Variants in SLC25A16 observed in about 807,000 individuals in gnomAD.
The protein encoded by SLC25A16 is solute carrier family 25 member 16.
A neutral mutation model predicts 41.5 loss-of-function variants in SLC25A16; 39 were observed. The ratio of observed to expected loss-of-function variants is 0.94; its 90% CI spans 0.73 to 1.23. The LOEUF is 1.23. Ranked by LOEUF, SLC25A16 falls within the 50% of genes most tolerant of loss-of-function variation. SLC25A16 has a pLI of 0.00. For missense variants in SLC25A16, 421 were observed against 426.9 expected (o/e 0.99, Z 0.12); for synonymous variants, 146 against 147.8 (o/e 0.99, Z 0.09).
chr10:68,517,022 C>A, intron 1 of SLC25A16, 179 bp from the exon 2 acceptor site: 1 of 1,169,416 alleles, frequency 8.6e-7, no homozygotes, highest in Non-Finnish European at 1.1e-6. Flanking sequence ...AATAAGTGAG[C>A]ATGATTACAC....
In SLC25A16 at chr10:68,493,175, G is replaced by A. The variant is rs778839701; in HGVS notation, c.567C>T (p.Tyr189=). The A allele has an allele frequency of 1.9e-6, 3 of 1,597,780 alleles. No individual in the cohort carries two copies. Among genetic ancestry groups the A allele is most frequent in the East Asian group, 2.2e-5 (1 of 44,610 alleles). ...YAKEGGFFGF[Y]RGLMPTILGM... ...CTAAAATAGTAGGCATCAGACCTCT[G>A]TAAAATCCAAAGAAACCACCTTCCT... The change falls in exon 6 of 9, where the codon TAC becomes TAT. Residue 189 remains tyrosine (Y), a synonymous_variant. Transcript: ENST00000609923.
Position 68,504,703 on chromosome 10 carries a change from C to T in SLC25A16, c.358-1008G>A, listed in dbSNP as rs532283351. On this transcript the variant is annotated intron_variant, in intron 3 of 8. Transcript: ENST00000609923. Reference sequence around the variant, plus strand: ...TTGTTTTTTGTTTTTTGTTTTGATTCGGAGTCTCACTCTGTCACCCAGGCT... The same window carrying T: ...TTGTTTTTTGTTTTTTGTTTTGATTTGGAGTCTCACTCTGTCACCCAGGCT... 7.9e-4 allele frequency among the ~76,000 whole-genome samples: 119 copies of T among 151,314 alleles called. 1 individual carries two copies. The highest frequency in any genetic ancestry group is 1.3e-3 in the Non-Finnish European group (89 of 67,822).
intron 1 of SLC25A16, among the ~76,000 whole-genome samples, chr10:68,524,310 CAAA>C (rs565308290): frequency 9.1e-5 from 4 of 44,034 alleles, no homozygotes; most frequent in Non-Finnish European, 1.1e-4. Context: ...AACTCCATCT[CAAA>C]AAAAAAAAAA....
At chr10:68,497,054 A>G (rs1191712349) in intron 4 of SLC25A16, among the ~76,000 whole-genome samples, 2 of 152,214 alleles carry the variant, frequency 1.3e-5, no homozygotes, top group Non-Finnish European at 2.9e-5. Flanking sequence ...TAGAAATTGC[A>G]TAATACAGGG....
At chr10:68,487,044 G>A (rs776550456) in intron 8 of SLC25A16, 100 bp downstream of exon 8, 15 of 752,418 alleles carry the variant, frequency 2.0e-5, no homozygotes, top group Admixed American at 9.3e-5. Flanking sequence ...GAGATAAAAC[G>A]GAAGATACAG....
At chr10:68,486,347 G>A (rs949656763) in intron 8 of SLC25A16, among the ~76,000 whole-genome samples, 2 of 151,260 alleles carry the variant, frequency 1.3e-5, no homozygotes, top group South Asian at 2.1e-4. Context: ...CTCCCACCTT[G>A]GCCCCCCAAA....
chr10:68,503,593 T>C, intron 4 of SLC25A16, 39 bp downstream of exon 4: 1 of 1,302,908 alleles, frequency 7.7e-7, no homozygotes, highest in Non-Finnish European at 1.1e-6. Context: ...TAATAGAAAA[T>C]TAATTTGTCA....
At chr10:68,493,812 T>TGGTACAG (rs1462826229) in intron 4 of SLC25A16, among the ~76,000 whole-genome samples, 1 of 152,190 alleles carries the variant, frequency 6.6e-6, no homozygotes, top group Non-Finnish European at 1.5e-5. Flanking sequence ...AGCACCAAAA[T>TGGTACAG]GGTACAGTGT....
At chr10:68,503,518 C>A (rs2052894171) in intron 4 of SLC25A16, 114 bp downstream of exon 4, 2 of 601,474 alleles carry the variant, frequency 3.3e-6, no homozygotes, top group Non-Finnish European at 2.9e-6. Context: ...ATACAAGTCA[C>A]AGGACACCTG....
chr10:68,481,107 C>G lies in SLC25A16; in HGVS notation c.*2325G>C, dbSNP rs922881940. On this transcript the variant is annotated 3_prime_UTR_variant, in exon 9 of 9. Coordinates refer to ENST00000609923, the MANE Select transcript of SLC25A16 (RefSeq NM_152707.4). ...CAAGCAATTCTCCCTGCCTTAGCCT[C>G]CCAAGTAGCTGGGATTACAGGCGCC... The G allele has an allele frequency of 1.3e-5, 2 of 152,004 alleles. No individual in the cohort carries two copies. The highest frequency in any genetic ancestry group is 4.8e-5 in the African/African-American group (2 of 41,372). The allele number at this position is 152,004 out of a possible 1,614,324, so 9.4% of individuals were successfully genotyped here.
chr10:68,523,378 C>G (rs1266860000), intron 1 of SLC25A16, among the ~76,000 whole-genome samples: 1 of 152,162 alleles, frequency 6.6e-6, no homozygotes, highest in Non-Finnish European at 1.5e-5. Flanking sequence ...GAGGCCTGAA[C>G]CAGTGCACCC....
rs1161514849 is a variant in SLC25A16, at chr10:68,482,511, T to A, written c.*921A>T. The A allele has an allele frequency of 1.3e-5, 2 of 152,490 alleles. No individual in the cohort carries two copies. The highest frequency in any genetic ancestry group is 4.8e-5 in the African/African-American group (2 of 41,446). The allele number at this position is 152,490 out of a possible 1,614,324, so 9.4% of individuals were successfully genotyped here. A position where few individuals can be genotyped will look rare whatever the true frequency, so the allele number is the denominator to read the frequency against. On this transcript the variant is annotated 3_prime_UTR_variant, in exon 9 of 9. Coordinates refer to ENST00000609923, the MANE Select transcript of SLC25A16 (RefSeq NM_152707.4). Reference sequence around the variant, plus strand: ...TTTTTGATATTCACATCTATATTAATAAATATTTCACAGTCTACTTAAATA... The same window carrying A: ...TTTTTGATATTCACATCTATATTAAAAAATATTTCACAGTCTACTTAAATA...
At chr10:68,513,551 T>A (rs562886731) in intron 2 of SLC25A16, among the ~76,000 whole-genome samples, 113 of 152,298 alleles carry the variant, frequency 7.4e-4, no homozygotes, top group African/African-American at 2.7e-3. Context: ...TAACTCATTG[T>A]TATTCACCCT....
At chr10:68,505,274 G>A (rs2664436) in intron 3 of SLC25A16, among the ~76,000 whole-genome samples, 12,359 of 152,058 alleles carry the variant, frequency 0.081, 771 homozygotes, top group African/African-American at 0.17. Context: ...GCTTGAGTCC[G>A]TGAGGTTGAG....
At chr10:68,511,130 C>G (rs553460807) in intron 2 of SLC25A16, among the ~76,000 whole-genome samples, 4 of 150,080 alleles carry the variant, frequency 2.7e-5, no homozygotes, top group Non-Finnish European at 3.0e-5. Context: ...TCCAGCTACT[C>G]GAGAGGCTGA....
chr10:68,500,760 C>T (rs111918042), intron 4 of SLC25A16, among the ~76,000 whole-genome samples: 2,224 of 149,748 alleles, frequency 0.015, 65 homozygotes, highest in African/African-American at 0.051. Flanking sequence ...TTGAAACCCC[C>T]ATCTCTACTA....
chr10:68,506,048 T>A (rs906895986), intron 3 of SLC25A16, among the ~76,000 whole-genome samples: 4 of 151,306 alleles, frequency 2.6e-5, no homozygotes, highest in Non-Finnish European at 4.4e-5. Flanking sequence ...TAAAATTAAA[T>A]AAATAAATAA....
rs535345091 is a variant in SLC25A16, at chr10:68,479,191, A to G, written c.*4241T>C. The G allele has an allele frequency of 2.0e-5, 3 of 152,338 alleles. No individual in the cohort carries two copies. The highest frequency in any genetic ancestry group is 2.1e-4 in the South Asian group (1 of 4,830). The allele number at this position is 152,338 out of a possible 1,614,324, so 9.4% of individuals were successfully genotyped here. A position where few individuals can be genotyped will look rare whatever the true frequency, so the allele number is the denominator to read the frequency against. The stretch of plus-strand genomic sequence containing the variant: ...GCTTCATTTCTGCCTGCTAGAACAT[A>G]AAGTCTTCAAAAACAGGGACTAACC... On this transcript the variant is annotated 3_prime_UTR_variant, in exon 9 of 9. Coordinates refer to ENST00000609923, the MANE Select transcript of SLC25A16 (RefSeq NM_152707.4).
At chr10:68,488,013 C>T (rs527834158) in intron 7 of SLC25A16, among the ~76,000 whole-genome samples, 21 of 152,150 alleles carry the variant, frequency 1.4e-4, no homozygotes, top group Admixed American at 2.0e-4. Flanking sequence ...CCACCACACC[C>T]GGCTAATTTT....
Sources: gnomAD v4.1 joint callset for allele counts (sites outside exome capture counted in the v4.1 genomes callset) on GRCh38, gnomAD v4.1.1 for gene constraint, MANE v1.5 for transcripts, NCBI Gene and HGNC (gene_info 2026-07-23, HGNC 2026-07-21) for gene names.